CLEC5A: variants seen among roughly 807,000 people sequenced by gnomAD.
The protein encoded by CLEC5A is C-type lectin domain containing 5A, also known as C-type lectin domain family 5 member A.
A neutral mutation model predicts 24.4 loss-of-function variants in CLEC5A; 15 were observed. The ratio of observed to expected loss-of-function variants is 0.62; its 90% confidence interval spans 0.41 to 0.95. The LOEUF (loss-of-function observed/expected upper bound fraction) is 0.95, where lower values mean the gene tolerates loss of function less well. CLEC5A is among the 40% of genes least tolerant of loss of function. The probability of loss-of-function intolerance (pLI) is 0.00; values close to 1 mark genes in which losing one functional copy is unlikely to be tolerated. For missense variants in CLEC5A, 211 were observed against 224.0 expected, an observed-to-expected ratio of 0.94 and a Z score of 0.37; for synonymous variants, 71 against 72.6, an observed-to-expected ratio of 0.98 and a Z score of 0.11.
chr7:141,932,904 A>T (rs562181798), intron 5 of CLEC5A, among the ~76,000 whole-genome samples: 5 of 152,340 alleles, frequency 3.3e-5, no homozygotes, highest in Admixed American at 2.0e-4. Flanking sequence ...TTTTTAAAAA[A>T]GTTTTCTGAC....
At chr7:141,938,499 CA>C (rs1802694441) in intron 4 of CLEC5A, among the ~76,000 whole-genome samples, 2 of 152,028 alleles carry the variant, frequency 1.3e-5, no homozygotes, top group African/African-American at 4.8e-5. Context: ...AAAATAGCCT[CA>C]AAAGGGCAAA....
rs537913066 is a variant in CLEC5A at position 141,937,763 on chromosome 7, C to T, written c.209-1813G>A. On this transcript the variant is annotated intron_variant, in intron 4 of 6. Coordinates refer to ENST00000546910, the MANE Select transcript of CLEC5A (RefSeq NM_013252.3). ...GGCTTCAGGTCTGACCCAATGCAGT[C>T]CCAGTGGTGGTGGTCACAGGGATGC... Among the ~76,000 whole-genome samples the T allele has an allele frequency of 1.2e-4, 18 of 152,314 alleles. 1 individual carries two copies. In the South Asian group the frequency reaches 2.9e-3, roughly 25 times the overall value.
Position 141,930,061 on chromosome 7 carries a change from C to A in CLEC5A, c.*43G>T. Reference sequence around the variant, plus strand: ...ATTGGCCAGACGACCTGTATGGATTCAAAAAGAGTTGCAAGTATAGTTCTT... The same window carrying A: ...ATTGGCCAGACGACCTGTATGGATTAAAAAAGAGTTGCAAGTATAGTTCTT... On this transcript the variant is annotated 3_prime_UTR_variant, in exon 7 of 7. Transcript: ENST00000546910. The A allele has an allele frequency of 6.7e-7, 1 of 1,486,952 alleles. No homozygotes were observed. The highest frequency in any genetic ancestry group is 9.4e-7 in the Non-Finnish European group (1 of 1,067,730). 92.1% of individuals were successfully genotyped at this position (1,486,952 alleles called of 1,614,324 possible).
At position 141,928,515 on chromosome 7, in the gene CLEC5A, C is replaced by A. The variant is rs1027209361; in HGVS notation, c.*1589G>T. On this transcript the variant is annotated 3_prime_UTR_variant, in exon 7 of 7. Coordinates refer to ENST00000546910, the MANE Select transcript of CLEC5A (RefSeq NM_013252.3). ...ATCCTTTCCCAACACAGTCAGAGAA[C>A]TTGTATCTCCACCGGCTACTAATAT... 1.3e-5 allele frequency: 2 copies of A among 152,172 alleles called. No individual in the cohort carries two copies. Among genetic ancestry groups the A allele is most frequent in the African/African-American group, 4.8e-5 (2 of 41,438 alleles). 9.4% of individuals were successfully genotyped at this position (152,172 alleles called of 1,614,324 possible). A position where few individuals can be genotyped will look rare whatever the true frequency, so the allele number is the denominator to read the frequency against.
intron 2 of CLEC5A, chr7:141,945,695 C>T (rs1441698055): frequency 4.4e-6 from 2 of 454,104 alleles, no homozygotes; most frequent in Non-Finnish European, 8.0e-6. Context: ...ATTTTCCCTA[C>T]TGGCTTCTGG....
chr7:141,945,431 C>T (rs41275012), intron 2 of CLEC5A, 31 bp from the exon 3 acceptor site: 1 of 1,481,008 alleles, frequency 6.8e-7, no homozygotes, highest in Admixed American at 1.7e-5. Flanking sequence ...TGGCTCAGCC[C>T]CAAATGTGAC....
chr7:141,938,429 A>G (rs1563075776), intron 4 of CLEC5A, among the ~76,000 whole-genome samples: 1 of 152,152 alleles, frequency 6.6e-6, no homozygotes, highest in Non-Finnish European at 1.5e-5. Flanking sequence ...GGGTCACAGA[A>G]GTCAGAGGAT....
chr7:141,937,754 C>T (rs1720061727), intron 4 of CLEC5A, among the ~76,000 whole-genome samples: 1 of 152,336 alleles, frequency 6.6e-6, no homozygotes, highest in South Asian at 2.1e-4. Flanking sequence ...AGGTCTGACC[C>T]AATGCAGTCC....
intron 2 of CLEC5A, 131 bp downstream of exon 2, chr7:141,946,083 A>T: frequency 2.2e-6 from 2 of 925,738 alleles, no homozygotes; most frequent in Non-Finnish European, 3.3e-6. Context: ...AATTGACCTC[A>T]GGTTGGGTCA....
chr7:141,942,459 C>T (rs1248111883), intron 4 of CLEC5A, among the ~76,000 whole-genome samples: 1 of 152,002 alleles, frequency 6.6e-6, no homozygotes, highest in Non-Finnish European at 1.5e-5. Flanking sequence ...TCTAAAATCT[C>T]AAGCTATGAA....
At chr7:141,933,640 A>T (rs1802532235) in intron 5 of CLEC5A, among the ~76,000 whole-genome samples, 1 of 145,848 alleles carries the variant, frequency 6.9e-6, no homozygotes, top group African/African-American at 2.6e-5. Flanking sequence ...CTATTTGTGT[A>T]AGCTCATGCT....
rs782605392 is a variant in CLEC5A, at chr7:141,946,201, C to T, written c.79+13G>A. The T allele has an allele frequency of 1.9e-6, 3 of 1,556,858 alleles. No individual in the cohort carries two copies. In the South Asian group the frequency reaches 3.6e-5, roughly 18 times the overall value. ...ACATGAAGTCTGGGGCAAGAGGTTG[C>T]TCAAATACTCACAATAAAGTAGAAA... On this transcript the variant is annotated intron_variant, in intron 2 of 6. Coordinates refer to ENST00000546910, the MANE Select transcript of CLEC5A (RefSeq NM_013252.3).
intron 5 of CLEC5A, 123 bp from the exon 6 acceptor site, chr7:141,931,949 T>A (rs1802481539): frequency 1.8e-6 from 1 of 552,118 alleles, no homozygotes. Flanking sequence ...TGGGACCAGC[T>A]ATAGCTGGGA....
rs577797546 is a variant in CLEC5A, at chr7:141,934,613, G to GT, written c.345+1200dup. On this transcript the variant is annotated intron_variant, in intron 5 of 6. Coordinates refer to ENST00000546910, the MANE Select transcript of CLEC5A (RefSeq NM_013252.3). ...GATGACCTTTGTCTTTTTCTTTAAC[G>GT]TTTTTTTTTTTTTTTTTTTTTTTTT... Among the ~76,000 whole-genome samples, 254 of 61,804 alleles carry GT rather than the reference G, an allele frequency of 4.1e-3. 21 individuals are homozygous for GT. Among genetic ancestry groups the GT allele is most frequent in the Middle Eastern group, 0.016 (1 of 64 alleles). The allele number at this position is 61,804 out of a possible 152,430, so 40.5% of individuals were successfully genotyped here.
In CLEC5A at chr7:141,927,414, A is replaced by G. The variant is rs1473199589; in HGVS notation, c.*2690T>C. ...AGATCATCCTGGTTGCTGGATGAAC[A>G]ATACACGAAAGGACAATAAAGGGAG... On this transcript the variant is annotated 3_prime_UTR_variant, in exon 7 of 7. Transcript: ENST00000546910. 2 of 152,240 alleles carry G rather than the reference A, an allele frequency of 1.3e-5. No homozygotes were observed. Among genetic ancestry groups the G allele is most frequent in the Non-Finnish European group, 2.9e-5 (2 of 68,042 alleles). The allele number at this position is 152,240 out of a possible 1,614,324, so 9.4% of individuals were successfully genotyped here.
At position 141,927,703 on chromosome 7, in the gene CLEC5A, G is replaced by C. The variant is rs1563071389; in HGVS notation, c.*2401C>G. On this transcript the variant is annotated 3_prime_UTR_variant, in exon 7 of 7. Transcript: ENST00000546910. ...GTGGCTTGGCCACAACATTTTTAAG[G>C]CACCCTTCTCTGACTTGCACAAATT... 6.6e-6 allele frequency: 1 copy of C among 152,126 alleles called. No individual in the cohort carries two copies. The highest frequency in any genetic ancestry group is 1.5e-5 in the Non-Finnish European group (1 of 68,002). 9.4% of individuals were successfully genotyped at this position (152,126 alleles called of 1,614,324 possible). A position where few individuals can be genotyped will look rare whatever the true frequency, so the allele number is the denominator to read the frequency against.
At chr7:141,935,707 C>T in intron 5 of CLEC5A, 107 bp downstream of exon 5, 2 of 996,284 alleles carry the variant, frequency 2.0e-6, no homozygotes, top group South Asian at 3.1e-5. Context: ...AGCCACCTCT[C>T]CATTCCTCAC....
Position 141,943,967 on chromosome 7 carries a change from A to G in CLEC5A, c.140-3T>C. ...ACTGCTCCCAAAAATCTGTGAGACT[A>G]AAGTGAAAAGTAAACCTAAAGGTTA... On this transcript the variant is annotated splice_region_variant and splice_polypyrimidine_tract_variant and intron_variant, in intron 3 of 6. Coordinates refer to ENST00000546910, the MANE Select transcript of CLEC5A (RefSeq NM_013252.3). 1 of 1,584,170 alleles carries G rather than the reference A, an allele frequency of 6.3e-7. No homozygotes were observed. Among genetic ancestry groups the G allele is most frequent in the Non-Finnish European group, 8.7e-7 (1 of 1,153,040 alleles).
In CLEC5A at chr7:141,941,969, G is replaced by A. The variant is rs1328816115; in HGVS notation, c.208+1927C>T. 2.6e-5 allele frequency among the ~76,000 whole-genome samples: 4 copies of A among 151,892 alleles called. No individual in the cohort carries two copies. In the East Asian group the frequency reaches 7.7e-4, roughly 29 times the overall value. ...GAAAAATATTCCATGTTTGTGGATT[G>A]GAAGAATCAATATTGTTAAAATGTC... is the stretch of plus-strand genomic sequence containing the variant. On this transcript the variant is annotated intron_variant, in intron 4 of 6. Coordinates refer to ENST00000546910, the MANE Select transcript of CLEC5A (RefSeq NM_013252.3).
Sources: gnomAD v4.1 joint callset for allele counts (sites outside exome capture counted in the v4.1 genomes callset) on GRCh38, gnomAD v4.1.1 for gene constraint, MANE v1.5 for transcripts, NCBI Gene and HGNC (gene_info 2026-07-23, HGNC 2026-07-21) for gene names.